Variants in ATXN2 observed in about 807,000 individuals in gnomAD.
ATXN2 encodes the protein ataxin 2, also known as ataxin-2.
ATXN2 carries 37 observed loss-of-function variants against 138.6 expected under a neutral mutation model. That is an observed-to-expected ratio of 0.27 (90% CI 0.21 to 0.35). ATXN2 has a LOEUF of 0.35. Among genes scored for constraint, ATXN2 ranks in the 10% least tolerant of loss-of-function variants. ATXN2 has a pLI of 1.00. For synonymous variants in ATXN2, 549 were observed against 543.7 expected (o/e 1.01, Z -0.13); for missense variants, 1,216 against 1,480.3 (o/e 0.82, Z 2.93).
At chr12:111,596,217 C>T (rs992984610) in intron 1 of ATXN2, among the ~76,000 whole-genome samples, 2 of 134,344 alleles carry the variant, frequency 1.5e-5, no homozygotes, top group Non-Finnish European at 3.0e-5. Flanking sequence ...CACACACACA[C>T]ACACACACAC....
At chr12:111,599,555 T>G (rs1293147425), upstream of ATXN2, 4 of 1,177,284 alleles carry the variant, frequency 3.4e-6, no homozygotes, top group South Asian at 7.6e-5. Context: ...GGAGCGGAGG[T>G]GCGGATAGGG....
intron 18 of ATXN2, among the ~76,000 whole-genome samples, chr12:111,483,194 TACACACACACACACACAC>T (rs59840296): frequency 1.9e-4 from 18 of 95,430 alleles, no homozygotes; most frequent in Admixed American, 5.6e-4. Context: ...ATCAAACACA[TACACACACACACACACAC>T]ACACACACAC....
intron 5 of ATXN2, among the ~76,000 whole-genome samples, chr12:111,541,163 A>T (rs534244869): frequency 6.7e-6 from 1 of 149,752 alleles, no homozygotes; most frequent in Non-Finnish European, 1.5e-5. Flanking sequence ...TTTTCTCATT[A>T]ATCTATTTGG....
At chr12:111,463,931 C>T (rs1444273723) in intron 21 of ATXN2, among the ~76,000 whole-genome samples, 3 of 152,082 alleles carry the variant, frequency 2.0e-5, no homozygotes, top group Non-Finnish European at 2.9e-5. Context: ...AGATTATAGG[C>T]GCATGCCAGC....
chr12:111,483,703 TCTTTAACCACACAAG>T (rs1877435829), intron 18 of ATXN2, among the ~76,000 whole-genome samples: 1 of 152,004 alleles, frequency 6.6e-6, no homozygotes, highest in Non-Finnish European at 1.5e-5. Context: ...CTACGAAGGC[TCTTTAACCACACAAG>T]CACAGAATAC....
intron 5 of ATXN2, among the ~76,000 whole-genome samples, chr12:111,538,829 T>G (rs1180232323): frequency 6.7e-6 from 1 of 150,170 alleles, no homozygotes; most frequent in Non-Finnish European, 1.5e-5. Flanking sequence ...GAAAGCTGAG[T>G]GAAGATCAAT....
At chr12:111,478,946 T>G (rs965375643) in intron 18 of ATXN2, 1 of 216,316 alleles carries the variant, frequency 4.6e-6, no homozygotes, top group African/African-American at 2.3e-5. Flanking sequence ...GACAGGGAGG[T>G]TGCCATGAGC....
intron 1 of ATXN2, among the ~76,000 whole-genome samples, chr12:111,566,792 A>G (rs950541685): frequency 6.6e-6 from 1 of 152,066 alleles, no homozygotes; most frequent in African/African-American, 2.4e-5. Context: ...GCCCGCCACC[A>G]CATCCCCGCT....
chr12:111,502,083 G>GCCT (rs1878811633), intron 14 of ATXN2, among the ~76,000 whole-genome samples: 4 of 152,078 alleles, frequency 2.6e-5, no homozygotes, highest in African/African-American at 9.7e-5. Context: ...TGTAGAAACA[G>GCCT]GGTTTTACCA....
intron 1 of ATXN2, among the ~76,000 whole-genome samples, chr12:111,591,722 A>C (rs1884672623): frequency 6.6e-6 from 1 of 152,128 alleles, no homozygotes; most frequent in African/African-American, 2.4e-5. Flanking sequence ...CAAAGCTTAG[A>C]GTTTTTGCCT....
At chr12:111,595,258 C>A (rs1806706702) in intron 1 of ATXN2, among the ~76,000 whole-genome samples, 1 of 152,140 alleles carries the variant, frequency 6.6e-6, no homozygotes, top group African/African-American at 2.4e-5. Flanking sequence ...AATAATTACA[C>A]TGAAGCAAAA....
intron 23 of ATXN2, chr12:111,454,925 C>T: frequency 1.5e-6 from 1 of 654,732 alleles, no homozygotes; most frequent in South Asian, 1.6e-5. Flanking sequence ...CCACACGGAC[C>T]AAACCGGCTT....
chr12:111,569,702 C>A (rs1883206297), intron 1 of ATXN2, among the ~76,000 whole-genome samples: 1 of 152,028 alleles, frequency 6.6e-6, no homozygotes, highest in Non-Finnish European at 1.5e-5. Context: ...AGTGACAGAG[C>A]GAGACCCTGT....
chr12:111,453,401 C>CAA lies in ATXN2; in HGVS notation c.3439+275_3439+276insTT. The CAA allele has an allele frequency of 8.4e-7, 1 of 1,192,938 alleles. No homozygotes were observed. Among genetic ancestry groups the CAA allele is most frequent in the Non-Finnish European group, 1.0e-6 (1 of 961,866 alleles). The allele number at this position is 1,192,938 out of a possible 1,614,324, so 73.9% of individuals were successfully genotyped here. On this transcript the variant is annotated intron_variant, in intron 24 of 24. Coordinates refer to ENST00000673436, the MANE Select transcript of ATXN2 (RefSeq NM_001372574.1). This position sits in a 1 kb window ranked among gnomAD's most constrained non-coding sequence, Gnocchi z 5.4. ...AGCCTGTCATAACAAGGAAGGCCAA[C>CAA]TGAGTCCTAGGCATGCATCAGGCTG...
chr12:111,490,068 C>T (rs1592825133), intron 14 of ATXN2, among the ~76,000 whole-genome samples: 1 of 151,300 alleles, frequency 6.6e-6, no homozygotes, highest in African/African-American at 2.4e-5. Context: ...ATTAGCCAGG[C>T]GTGATGGCAC....
intron 14 of ATXN2, among the ~76,000 whole-genome samples, chr12:111,499,945 C>CA: frequency 6.6e-6 from 1 of 152,236 alleles, no homozygotes; most frequent in Non-Finnish European, 1.5e-5. Context: ...GGCTTTTATC[C>CA]AAAAGACAGG....
chr12:111,573,347 C>T (rs1883448696), intron 1 of ATXN2, among the ~76,000 whole-genome samples: 1 of 152,152 alleles, frequency 6.6e-6, no homozygotes, highest in African/African-American at 2.4e-5. Flanking sequence ...GTGCTTGTCA[C>T]CACGCCTGGC....
At chr12:111,522,665 C>A (rs1373913925) in intron 6 of ATXN2, among the ~76,000 whole-genome samples, 2 of 151,916 alleles carry the variant, frequency 1.3e-5, no homozygotes, top group East Asian at 1.9e-4. Context: ...GTAATCCCAG[C>A]ACTTTGAGAG....
At chr12:111,498,133 G>C (rs1313926306) in intron 14 of ATXN2, among the ~76,000 whole-genome samples, 3 of 152,132 alleles carry the variant, frequency 2.0e-5, no homozygotes, top group African/African-American at 7.2e-5. Flanking sequence ...GGGAAAAACT[G>C]AAAGGCTTTC....
Sources: gnomAD v4.1 joint callset for allele counts (sites outside exome capture counted in the v4.1 genomes callset) on GRCh38, gnomAD v4.1.1 for gene constraint, Gnocchi (gnomAD v3.1) non-coding constraint, MANE v1.5 for transcripts, NCBI Gene and HGNC (gene_info 2026-07-23, HGNC 2026-07-21) for gene names.